NUMBL: variants seen among roughly 807,000 people sequenced by gnomAD.
NUMBL encodes NUMB like endocytic adaptor protein, also known as numb-like protein.
NUMBL carries 20 observed loss-of-function variants against 48.9 expected under a neutral mutation model. The ratio of observed to expected loss-of-function variants is 0.41; its 90% CI spans 0.29 to 0.59. The LOEUF (loss-of-function observed/expected upper bound fraction) is 0.59, where lower values mean the gene tolerates loss of function less well. Ranked by LOEUF, NUMBL falls within the 20% of genes least tolerant of loss-of-function variation. NUMBL has a pLI of 0.31. For synonymous variants in NUMBL, 340 were observed against 348.7 expected, an observed-to-expected ratio of 0.98 and a Z score of 0.28; for missense variants, 660 against 846.2, an observed-to-expected ratio of 0.78 and a Z score of 2.73.
In NUMBL at chr19:40,667,774, C is replaced by G. The variant is rs754134316; in HGVS notation, c.1524G>C (p.Val508=). 1.1e-5 allele frequency: 17 copies of G among 1,579,776 alleles called. No individual in the cohort carries two copies. In the South Asian group the frequency reaches 2.0e-4, roughly 18 times the overall value. ...GYPPMPRVPV[V]GITPSQMVAN... is the part of the protein sequence containing the mutation. The stretch of plus-strand genomic sequence containing the variant: ...CCACCATCTGTGAGGGTGTGATGCC[C>G]ACCACGGGCACCCGGGGCATCGGTG... The change falls in exon 10 of 10, where the codon GTG becomes GTC. Residue 508 remains valine (V), a synonymous_variant. Coordinates refer to ENST00000252891, the MANE Select transcript of NUMBL (RefSeq NM_004756.5). This position sits in a 1 kb window ranked among gnomAD's most constrained non-coding sequence, Gnocchi z 6.1.
At chr19:40,684,829 TG>T (rs1452997833) in intron 2 of NUMBL, 2 of 416,956 alleles carry the variant, frequency 4.8e-6, no homozygotes, top group Non-Finnish European at 8.6e-6. Context: ...GTGGGGGGTA[TG>T]GGGCACAGGC....
In NUMBL at chr19:40,690,476, C is replaced by T. The variant is rs1175066314; in HGVS notation, c.8G>A (p.Arg3His). Residue 3 changes from arginine to histidine, a missense_variant, in exon 1 of 10, where the codon CGC becomes CAC. By Grantham distance (29) the Arg-to-His change is conservative. Transcript: ENST00000252891. ...CCTTCTCACGCTGGCCGCCGCGCTG[C>T]GGGACATCCAGGGCCCGGGCGCCCC... MS[R>H]SAAASGGPRR... 7 of 1,307,228 alleles carry T rather than the reference C, an allele frequency of 5.4e-6. No homozygotes were observed. In the South Asian group the frequency reaches 9.2e-5, roughly 17 times the overall value. The allele number at this position is 1,307,228 out of a possible 1,614,324, so 81.0% of individuals were successfully genotyped here. A position where few individuals can be genotyped will look rare whatever the true frequency, so the allele number is the denominator to read the frequency against.
chr19:40,673,754 G>C lies in NUMBL; in HGVS notation c.731-105C>G, dbSNP rs191095423. ...TCTCCAAGGCTGCCTTCCTTGCCCAGTGAGTCCTGCCCTTAAGACAAGCTA... is the reference window on the plus strand; with the variant it reads ...TCTCCAAGGCTGCCTTCCTTGCCCACTGAGTCCTGCCCTTAAGACAAGCTA... On this transcript the variant is annotated intron_variant, in intron 7 of 9. Coordinates refer to ENST00000252891, the MANE Select transcript of NUMBL (RefSeq NM_004756.5). This position sits in a 1 kb window ranked among gnomAD's most constrained non-coding sequence, Gnocchi z 5.9. The C allele has an allele frequency of 2.1e-4, 236 of 1,100,130 alleles. 1 individual carries two copies. The highest frequency in any genetic ancestry group is 3.1e-4 in the Middle Eastern group (1 of 3,234). The allele number at this position is 1,100,130 out of a possible 1,614,324, so 68.1% of individuals were successfully genotyped here. A position where few individuals can be genotyped will look rare whatever the true frequency, so the allele number is the denominator to read the frequency against.
rs2081861430 is a variant in NUMBL, at chr19:40,673,887, C to A, written c.731-238G>T. ...CTCACCCTCTGTGTCTCTCCAGCTT[C>A]CTGCCCCTTTCTGTCTTGCCCTGCT... On this transcript the variant is annotated intron_variant, in intron 7 of 9. Coordinates refer to ENST00000252891, the MANE Select transcript of NUMBL (RefSeq NM_004756.5). The surrounding 1 kb of genome is among the most constrained non-coding windows in gnomAD (Gnocchi z 5.9). Among the ~76,000 whole-genome samples, 1 of 152,130 alleles carries A rather than the reference C, an allele frequency of 6.6e-6. No homozygotes were observed. Among genetic ancestry groups the A allele is most frequent in the Admixed American group, 6.5e-5 (1 of 15,278 alleles).
chr19:40,679,210 C>T (rs1004491226), intron 6 of NUMBL, among the ~76,000 whole-genome samples: 1 of 151,926 alleles, frequency 6.6e-6, no homozygotes, highest in African/African-American at 2.4e-5. Flanking sequence ...GGCAACATGG[C>T]GAAATCCCAT....
At chr19:40,668,787 G>A (rs1302603978) in intron 9 of NUMBL, among the ~76,000 whole-genome samples, 1 of 152,112 alleles carries the variant, frequency 6.6e-6, no homozygotes, top group African/African-American at 2.4e-5. Flanking sequence ...TATCACCCTT[G>A]ATTTTCTAAT....
Position 40,668,144 on chromosome 19 carries a change from G to C in NUMBL, c.1160-6C>G, listed in dbSNP as rs764563844. On this transcript the variant is annotated splice_polypyrimidine_tract_variant and splice_region_variant and intron_variant, in intron 9 of 9. Coordinates refer to ENST00000252891, the MANE Select transcript of NUMBL (RefSeq NM_004756.5). ...CTCACCCCAGGCAGAAGTCCCTGGA[G>C]AGAGGAGAGGGACAGGTGAGGGAGG... The C allele has an allele frequency of 6.3e-7, 1 of 1,587,728 alleles. No homozygotes were observed. Among genetic ancestry groups the C allele is most frequent in the Non-Finnish European group, 8.6e-7 (1 of 1,165,852 alleles).
Position 40,667,913 on chromosome 19 carries a change from G to A in NUMBL, c.1385C>T (p.Pro462Leu). Reference sequence around the variant, plus strand: ...AAAGGGCCCCACGGGGGCGGGGAAAGGCTGCAGGGCAGGAGGCATGGTGGG... The same window carrying A: ...AAAGGGCCCCACGGGGGCGGGGAAAAGCTGCAGGGCAGGAGGCATGGTGGG... ...PVPTMPPALQ[P>L]FPAPVGPFDA... is the part of the protein sequence containing the mutation. The change falls in exon 10 of 10, where the codon CCT (proline) becomes CTT (leucine). Residue 462 changes from proline to leucine, a missense_variant. Coordinates refer to ENST00000252891, the MANE Select transcript of NUMBL (RefSeq NM_004756.5). The surrounding 1 kb of genome is among the most constrained non-coding windows in gnomAD (Gnocchi z 6.1). The A allele has an allele frequency of 6.4e-7, 1 of 1,572,316 alleles. No homozygotes were observed. The highest frequency in any genetic ancestry group is 8.6e-7 in the Non-Finnish European group (1 of 1,158,794).
At chr19:40,678,090 G>A (rs2081887376) in intron 6 of NUMBL, among the ~76,000 whole-genome samples, 1 of 152,254 alleles carries the variant, frequency 6.6e-6, no homozygotes, top group South Asian at 2.1e-4. Flanking sequence ...GTATTTGGAG[G>A]TGGGCCTTTG....
intron 9 of NUMBL, 76 bp from the exon 10 acceptor site, chr19:40,668,214 G>A: frequency 1.3e-6 from 2 of 1,491,628 alleles, no homozygotes; most frequent in Non-Finnish European, 1.8e-6. Context: ...GAACTGGCAT[G>A]GTGTGGGGAT....
chr19:40,684,689 T>TGGCAGCGCACATGGGATC, intron 2 of NUMBL, 133 bp from the exon 3 acceptor site: 1 of 1,260,220 alleles, frequency 7.9e-7, no homozygotes, highest in Non-Finnish European at 1.1e-6. Flanking sequence ...CAGGGTCAGT[T>TGGCAGCGCACATGGGATC]GGCAGCGCAC....
In NUMBL at chr19:40,670,086, C is replaced by T. The variant is rs1599901762; in HGVS notation, c.1037-66G>A. The T allele has an allele frequency of 9.6e-6, 15 of 1,555,058 alleles. No individual in the cohort carries two copies. In the East Asian group the frequency reaches 1.4e-4, roughly 14 times the overall value. On this transcript the variant is annotated intron_variant, in intron 8 of 9. Coordinates refer to ENST00000252891, the MANE Select transcript of NUMBL (RefSeq NM_004756.5). ...GACCCTGCCGCAGCCCCGCCCTCTA[C>T]CCCCCGCCCTCGGTGGCCCTCTCTT...
chr19:40,674,581 T>A (rs1599905171), intron 7 of NUMBL, among the ~76,000 whole-genome samples: 1 of 152,090 alleles, frequency 6.6e-6, no homozygotes, highest in East Asian at 1.9e-4. Flanking sequence ...GACCCTCCCA[T>A]AAGGATGTCG....
At position 40,682,744 on chromosome 19, in the gene NUMBL, A is replaced by G; in HGVS notation, c.383T>C (p.Val128Ala). The change falls in exon 5 of 10, where the codon GTG becomes GCG. Residue 128 changes from valine to alanine, a missense_variant. Val to Ala is a moderately conservative substitution (Grantham distance 64). This residue lies in a region of NUMBL where 278 missense variants were observed against 420.6 expected (regional missense o/e 0.66). Coordinates refer to ENST00000252891, the MANE Select transcript of NUMBL (RefSeq NM_004756.5). The surrounding 1 kb of genome is among the most constrained non-coding windows in gnomAD (Gnocchi z 4.0). The part of the protein sequence containing the change: ...LWVSADGLRV[V>A]DDKTKDLLVD... ...GCCTCCTACCTTGGTTTTGTCGTCC[A>G]CCACTCGGAGCCCATCGGCTGACAC... 6.2e-7 allele frequency: 1 copy of G among 1,614,122 alleles called. No homozygotes were observed. Among genetic ancestry groups the G allele is most frequent in the Non-Finnish European group, 8.5e-7 (1 of 1,180,008 alleles).
In NUMBL at chr19:40,684,957, G is replaced by C. The variant is rs116783158; in HGVS notation, c.110-401C>G. On this transcript the variant is annotated intron_variant, in intron 2 of 9. Coordinates refer to ENST00000252891, the MANE Select transcript of NUMBL (RefSeq NM_004756.5). ...GAGGGCATGGGGGCTAGAGGGCATA[G>C]AAGTCAGGGGCCGCACGGTCAGGGG... 2.6e-3 allele frequency: 554 copies of C among 210,916 alleles called. 1 individual carries two copies. Among genetic ancestry groups the C allele is most frequent in the African/African-American group, 0.011 (485 of 42,452 alleles). 13.1% of individuals were successfully genotyped at this position (210,916 alleles called of 1,614,324 possible). A position where few individuals can be genotyped will look rare whatever the true frequency, so the allele number is the denominator to read the frequency against.
Position 40,666,764 on chromosome 19 carries a change from T to C in NUMBL, c.*704A>G, listed in dbSNP as rs2081810430. The C allele has an allele frequency of 6.6e-6, 1 of 152,646 alleles. No homozygotes were observed. Among genetic ancestry groups the C allele is most frequent in the Non-Finnish European group, 1.5e-5 (1 of 68,112 alleles). 9.5% of individuals were successfully genotyped at this position (152,646 alleles called of 1,614,324 possible). On this transcript the variant is annotated 3_prime_UTR_variant, in exon 10 of 10. Coordinates refer to ENST00000252891, the MANE Select transcript of NUMBL (RefSeq NM_004756.5). The stretch of plus-strand genomic sequence containing the variant: ...TTTAGATACAAAAAAAATCTGGAAA[T>C]AAAAGATAGAAAAGTACCCGCCAGG...
In NUMBL at chr19:40,688,016, C is replaced by T. The variant is rs1016278657; in HGVS notation, c.25-1021G>A. 8.5e-5 allele frequency among the ~76,000 whole-genome samples: 13 copies of T among 152,198 alleles called. No homozygotes were observed. The highest frequency in any genetic ancestry group is 2.4e-4 in the African/African-American group (10 of 41,434). Reference sequence around the variant, plus strand: ...GACAGCCACACTCATAGGGACAGTCCTCTATACACAACCACATACAGAGGT... The same window carrying T: ...GACAGCCACACTCATAGGGACAGTCTTCTATACACAACCACATACAGAGGT... On this transcript the variant is annotated intron_variant, in intron 1 of 9. Transcript: ENST00000252891. This position sits in a 1 kb window ranked among gnomAD's most constrained non-coding sequence, Gnocchi z 4.6.
chr19:40,671,151 A>T (rs567490978), intron 8 of NUMBL, among the ~76,000 whole-genome samples: 1 of 151,920 alleles, frequency 6.6e-6, no homozygotes, highest in African/African-American at 2.4e-5. Flanking sequence ...TAATTTTTAA[A>T]ATTTTTTTGT....
In NUMBL at chr19:40,677,404, G is replaced by A. The variant is rs147529932; in HGVS notation, c.558C>T (p.His186=). The change falls in exon 7 of 10, where the codon CAC becomes CAT. Residue 186 remains histidine, a synonymous_variant. Transcript: ENST00000252891. ...ALKDSGERLS[H]AVGCAFAACL... Reference sequence around the variant, plus strand: ...AGGCGGCAAAAGCACAGCCCACAGCGTGGCTCAGCCTCTCGCCCTATGGGG... The same window carrying A: ...AGGCGGCAAAAGCACAGCCCACAGCATGGCTCAGCCTCTCGCCCTATGGGG... The A allele has an allele frequency of 2.0e-5, 32 of 1,609,770 alleles. No individual in the cohort carries two copies. Among genetic ancestry groups the A allele is most frequent in the South Asian group, 8.8e-5 (8 of 91,028 alleles).
Sources: allele counts gnomAD v4.1 joint callset (sites outside exome capture counted in the v4.1 genomes callset), GRCh38; gene constraint gnomAD v4.1.1; regional missense constraint gnomAD v4.1.1; non-coding constraint Gnocchi (gnomAD v3.1); transcripts MANE v1.5; gene names NCBI Gene and HGNC (gene_info 2026-07-23, HGNC 2026-07-21).